Variants in C2CD3 observed in about 807,000 individuals in gnomAD.
C2CD3 encodes C2 domain containing 3 centriole elongation regulator, also known as C2 domain-containing protein 3.
In C2CD3, 148 loss-of-function variants were observed where a neutral mutation model predicts 234.0. That is an observed-to-expected ratio of 0.63 (90% CI 0.55 to 0.72). C2CD3 has a LOEUF of 0.72. C2CD3 is among the 30% of genes least tolerant of loss of function. The pLI, the probability that C2CD3 is intolerant of heterozygous loss-of-function variation, is 0.00. For synonymous variants in C2CD3, 1,000 were observed against 1,035.4 expected (o/e 0.97, Z 0.66); for missense variants, 2,577 against 2,811.5 (o/e 0.92, Z 1.89).
Position 74,037,373 on chromosome 11 carries a change from G to T in C2CD3, c.5881+105C>A, listed in dbSNP as rs566132099. 3.8e-5 allele frequency: 33 copies of T among 858,582 alleles called. 1 individual carries two copies. In the African/African-American group the frequency reaches 4.4e-4, roughly 11 times the overall value. 53.2% of individuals were successfully genotyped at this position (858,582 alleles called of 1,614,324 possible). ...AAAAGGAAGAGGGTGAAAACAATTG[G>T]TCTCTATTTGTCATAGGGGCTTGTC... On this transcript the variant is annotated intron_variant, in intron 30 of 32. Transcript: ENST00000334126.
rs773620547 is a variant in C2CD3, at chr11:74,093,901, C to A, written c.3259G>T (p.Val1087Phe). The change falls in exon 18 of 33, where the codon GTT (valine) becomes TTT (phenylalanine). Residue 1087 changes from valine to phenylalanine, a missense_variant. Val to Phe is a conservative substitution (Grantham distance 50). Transcript: ENST00000334126. ...HHHSLLLPAE[V>F]PVQRLLLSAF... ...CTTAGTAGGAGCCTTTGCACTGGAA[C>A]CTCAGCTGGCAACAGGAGAGAGTGA... 3 of 1,613,952 alleles carry A rather than the reference C, an allele frequency of 1.9e-6. No homozygotes were observed. The African/African-American group carries it at 4.0e-5, about 22-fold the overall frequency.
rs1956857308 is a variant in C2CD3 at position 74,114,448 on chromosome 11, G to A, written c.1666C>T (p.Gln556Ter). ...TAGCTTTTTTTGCCAGGGGTCATCT[G>A]AGGACTATCTGGAGGAACTCCCATG... ...ETMGVPPDSPQMTPGKKSYAG... is the reference protein window; with the variant it reads ...ETMGVPPDSP Residue 556 changes from glutamine to a stop codon, truncating the protein, a stop_gained, in exon 10 of 33, where the codon CAG becomes TAG. Coordinates refer to ENST00000334126, the MANE Select transcript of C2CD3 (RefSeq NM_001286577.2). LOFTEE classifies it high-confidence loss of function. 6.2e-7 allele frequency: 1 copy of A among 1,613,952 alleles called. No individual in the cohort carries two copies. Among genetic ancestry groups the A allele is most frequent in the South Asian group, 1.1e-5 (1 of 91,090 alleles).
chr11:74,083,405 A>G (rs934525540), intron 22 of C2CD3, among the ~76,000 whole-genome samples: 1 of 152,126 alleles, frequency 6.6e-6, no homozygotes, highest in South Asian at 2.1e-4. Context: ...GACTAAAACA[A>G]CAAAAGCAAT....
At chr11:74,014,505 T>C (rs1565196058) in intron 32 of C2CD3, among the ~76,000 whole-genome samples, 1 of 152,208 alleles carries the variant, frequency 6.6e-6, no homozygotes, top group African/African-American at 2.4e-5. Context: ...GCAGTTCTGC[T>C]CATGAGAAAC....
intron 11 of C2CD3, 43 bp downstream of exon 11, chr11:74,113,737 A>C (rs757488804): frequency 1.7e-6 from 2 of 1,189,172 alleles, no homozygotes; most frequent in African/African-American, 1.5e-5. Context: ...AATTCTTCCA[A>C]AGTCAGAATG....
chr11:74,057,521 C>T lies in C2CD3; in HGVS notation c.4975G>A (p.Val1659Ile). Residue 1659 changes from valine (V) to isoleucine (I), a missense_variant, in exon 25 of 33, where the codon GTA becomes ATA. Physicochemically the swap from Val to Ile is conservative, Grantham distance 29. Coordinates refer to ENST00000334126, the MANE Select transcript of C2CD3 (RefSeq NM_001286577.2). ...LKGSPLTERK[V>I]SIPSCCVSFA... ...GATACACAACAACTGGGTATCGATACTTTCCGCTCTGTCAAGGGGCTCCCT... is the reference window on the plus strand; with the variant it reads ...GATACACAACAACTGGGTATCGATATTTTCCGCTCTGTCAAGGGGCTCCCT... 2.5e-6 allele frequency: 4 copies of T among 1,614,154 alleles called. No homozygotes were observed. The highest frequency in any genetic ancestry group is 3.4e-6 in the Non-Finnish European group (4 of 1,180,002).
At chr11:74,036,341 A>G in intron 30 of C2CD3, 2 of 419,254 alleles carry the variant, frequency 4.8e-6, no homozygotes, top group South Asian at 3.4e-5. Context: ...TGTCATATCC[A>G]CCACTGTATC....
At chr11:74,031,424 A>AGTTT (rs1309002832) in intron 31 of C2CD3, among the ~76,000 whole-genome samples, 28 of 152,258 alleles carry the variant, frequency 1.8e-4, no homozygotes, top group African/African-American at 6.7e-4. Flanking sequence ...CTGCACACAC[A>AGTTT]GTTTGTCCTG....
At chr11:74,066,045 C>A (rs1954514746) in intron 24 of C2CD3, among the ~76,000 whole-genome samples, 1 of 146,332 alleles carries the variant, frequency 6.8e-6, no homozygotes, top group Admixed American at 6.9e-5. Context: ...CACATGTACC[C>A]TAGAACTTAA....
At chr11:74,121,382 G>A (rs970635579) in intron 8 of C2CD3, among the ~76,000 whole-genome samples, 7 of 152,038 alleles carry the variant, frequency 4.6e-5, no homozygotes, top group Admixed American at 2.0e-4. Context: ...TGAGGTGCGC[G>A]GACCACTTGA....
At chr11:74,073,112 CTCTGGCAATCTGGCA>C (rs72322150) in intron 24 of C2CD3, among the ~76,000 whole-genome samples, 9,238 of 152,178 alleles carry the variant, frequency 0.061, 870 homozygotes, top group African/African-American at 0.2. Context: ...GTGCCATGGA[CTCTGGCAATCTGGCA>C]AGGTCTATGG....
intron 32 of C2CD3, among the ~76,000 whole-genome samples, chr11:74,019,705 T>C (rs904553734): frequency 1.3e-5 from 2 of 148,282 alleles, no homozygotes; most frequent in Non-Finnish European, 1.5e-5. Flanking sequence ...CAGACACAGT[T>C]TCACTCTGTC....
intron 24 of C2CD3, among the ~76,000 whole-genome samples, chr11:74,059,410 C>CAAAAAAAAAAAA (rs57052333): frequency 1.0e-4 from 3 of 29,960 alleles, no homozygotes; most frequent in African/African-American, 4.1e-4. Context: ...GACTCTGTCT[C>CAAAAAAAAAAAA]AAAAAAAAAA....
chr11:74,033,785 G>A lies in C2CD3; in HGVS notation c.6375C>T (p.Val2125=). 6.5e-7 allele frequency: 1 copy of A among 1,536,296 alleles called. No individual in the cohort carries two copies. Among genetic ancestry groups the A allele is most frequent in the Non-Finnish European group, 8.7e-7 (1 of 1,146,954 alleles). The change falls in exon 31 of 33, where the codon GTC becomes GTT. Residue 2125 remains valine (V), a synonymous_variant. Coordinates refer to ENST00000334126, the MANE Select transcript of C2CD3 (RefSeq NM_001286577.2). Reference sequence around the variant, plus strand: ...CTGGGCTGGAGAGAAAGCTACTTTTGACCATAAGCTCCTCTCTGCAGAAAG... The same window carrying A: ...CTGGGCTGGAGAGAAAGCTACTTTTAACCATAAGCTCCTCTCTGCAGAAAG... ...PGPFCREELM[V]KSSFLSSPER... is the part of the protein sequence containing the mutation.
chr11:74,074,523 G>C lies in C2CD3; in HGVS notation c.4681C>G (p.Leu1561Val), dbSNP rs374187831. The C allele has an allele frequency of 1.2e-6, 2 of 1,614,098 alleles. No homozygotes were observed. The highest frequency in any genetic ancestry group is 2.7e-5 in the African/African-American group (2 of 74,952). ...ALRVHVVLSS[L>V]SSHLEPTHEL... The stretch of plus-strand genomic sequence containing the variant: ...TGAGTGGGCTCAAGGTGTGAGGAAA[G>C]AGAGGAAAGAACCACATGAACTCGC... The change falls in exon 24 of 33, where the codon CTT becomes GTT. Residue 1561 changes from leucine (L) to valine (V), a missense_variant. By Grantham distance (32) the Leu-to-Val change is conservative (BLOSUM62 1). Coordinates refer to ENST00000334126, the MANE Select transcript of C2CD3 (RefSeq NM_001286577.2).
chr11:74,115,004 GT>G (rs1956876489), intron 9 of C2CD3, among the ~76,000 whole-genome samples: 1 of 151,724 alleles, frequency 6.6e-6, no homozygotes, highest in Non-Finnish European at 1.5e-5. Flanking sequence ...ACCCAGCCAA[GT>G]ATCTTGACTC....
intron 30 of C2CD3, 90 bp from the exon 31 acceptor site, chr11:74,034,368 T>C (rs1591296564): frequency 2.7e-6 from 4 of 1,480,010 alleles, no homozygotes; most frequent in Non-Finnish European, 1.8e-6. Flanking sequence ...AGAAGCACTA[T>C]GGCAATCAGA....
At chr11:74,050,229 T>C (rs1953611360) in intron 26 of C2CD3, among the ~76,000 whole-genome samples, 1 of 152,254 alleles carries the variant, frequency 6.6e-6, no homozygotes, top group Non-Finnish European at 1.5e-5. Context: ...TATACTTCTC[T>C]ATATTTTCCA....
At chr11:74,058,576 G>C (rs566045176) in intron 24 of C2CD3, among the ~76,000 whole-genome samples, 40 of 152,224 alleles carry the variant, frequency 2.6e-4, no homozygotes, top group South Asian at 1.7e-3. Flanking sequence ...TCCAATTCAA[G>C]CATTCTGGCT....
Sources: gnomAD v4.1 joint callset for allele counts (sites outside exome capture counted in the v4.1 genomes callset) on GRCh38, gnomAD v4.1.1 for gene constraint, MANE v1.5 for transcripts, NCBI Gene and HGNC (gene_info 2026-07-23, HGNC 2026-07-21) for gene names.